Variants in CDH13 observed in about 807,000 individuals in gnomAD.
CDH13 encodes the protein cadherin-13.
In CDH13, 24 loss-of-function variants were observed where a neutral mutation model predicts 63.8. The ratio of observed to expected loss-of-function variants is 0.38; its 90% CI spans 0.27 to 0.53. CDH13 has a LOEUF of 0.53. Among genes scored for constraint, CDH13 ranks in the 20% least tolerant of loss-of-function variants. CDH13 has a pLI of 0.85. For synonymous variants in CDH13, 503 were observed against 355.3 expected (o/e 1.42, Z -4.67); for missense variants, 1,049 against 903.1 (o/e 1.16, Z -2.07).
At chr16:83,339,483 A>C (rs1379560322) in intron 5 of CDH13, among the ~76,000 whole-genome samples, 1 of 152,168 alleles carries the variant, frequency 6.6e-6, no homozygotes, top group Non-Finnish European at 1.5e-5. Context: ...GCTTTGTATC[A>C]GACACTTTCA....
intron 2 of CDH13, among the ~76,000 whole-genome samples, chr16:82,923,435 C>A (rs983290101): frequency 6.6e-5 from 10 of 152,198 alleles, no homozygotes; most frequent in African/African-American, 2.4e-4. Flanking sequence ...CAGACAAGAA[C>A]ATTTTAAGCT....
intron 2 of CDH13, among the ~76,000 whole-genome samples, chr16:82,968,311 T>A (rs988675699): frequency 6.6e-6 from 1 of 152,226 alleles, no homozygotes; most frequent in Non-Finnish European, 1.5e-5. Flanking sequence ...TCCACCTTCA[T>A]GTCCTGAATC....
At chr16:83,257,735 G>T (rs563696059) in intron 5 of CDH13, among the ~76,000 whole-genome samples, 58 of 152,302 alleles carry the variant, frequency 3.8e-4, no homozygotes, top group African/African-American at 1.4e-3. Context: ...ACATACATGT[G>T]CATGTGTCTT....
chr16:83,051,306 C>A (rs1339298216), intron 3 of CDH13, among the ~76,000 whole-genome samples: 1 of 152,152 alleles, frequency 6.6e-6, no homozygotes, highest in Non-Finnish European at 1.5e-5. Context: ...GGTATGTTTC[C>A]TTCCACATCT....
At chr16:83,743,576 G>A (rs1912257096) in intron 10 of CDH13, among the ~76,000 whole-genome samples, 1 of 152,096 alleles carries the variant, frequency 6.6e-6, no homozygotes, top group Admixed American at 6.5e-5. Context: ...AAACATGAAA[G>A]CCAAATTTAT....
At chr16:83,170,879 G>C (rs1017125571) in intron 4 of CDH13, among the ~76,000 whole-genome samples, 3 of 151,756 alleles carry the variant, frequency 2.0e-5, no homozygotes, top group Non-Finnish European at 4.4e-5. Context: ...AGAGAGAAGA[G>C]ATCCAGCATC....
At chr16:83,361,678 C>CAG (rs1231940011) in intron 6 of CDH13, among the ~76,000 whole-genome samples, 1 of 152,058 alleles carries the variant, frequency 6.6e-6, no homozygotes, top group African/African-American at 2.4e-5. Flanking sequence ...ATTTATTGAA[C>CAG]AGAGAGTCCT....
Position 83,301,064 on chromosome 16 carries a change from C to G in CDH13, c.637-43798C>G, listed in dbSNP as rs1053439652. Among the ~76,000 whole-genome samples the G allele has an allele frequency of 1.1e-4, 13 of 121,520 alleles. 1 individual carries two copies. The South Asian group carries it at 3.4e-3, about 31-fold the overall frequency. The allele number at this position is 121,520 out of a possible 152,430, so 79.7% of individuals were successfully genotyped here. A position where few individuals can be genotyped will look rare whatever the true frequency, so the allele number is the denominator to read the frequency against. On this transcript the variant is annotated intron_variant, in intron 5 of 13. Coordinates refer to ENST00000567109, the MANE Select transcript of CDH13 (RefSeq NM_001257.5). ...TTTTTTTTTTTGAGACAGAGCCTCA[C>G]TCTGTGGTCCAGACTGGAGTGCAGT...
At chr16:82,960,193 A>T (rs976829895) in intron 2 of CDH13, among the ~76,000 whole-genome samples, 2 of 152,174 alleles carry the variant, frequency 1.3e-5, no homozygotes, top group Non-Finnish European at 2.9e-5. Context: ...GAGTCAAAGC[A>T]TGGGTGGGTG....
intron 5 of CDH13, among the ~76,000 whole-genome samples, chr16:83,277,077 G>A (rs2089013870): frequency 6.6e-6 from 1 of 152,062 alleles, no homozygotes; most frequent in Non-Finnish European, 1.5e-5. Flanking sequence ...TGAAATTTGG[G>A]TGGCAACACA....
In CDH13 at chr16:83,056,267, A is replaced by T. The variant is rs552661318; in HGVS notation, c.366+24049A>T. 5.9e-5 allele frequency among the ~76,000 whole-genome samples: 9 copies of T among 152,314 alleles called. No homozygotes were observed. In the East Asian group the frequency reaches 1.7e-3, roughly 29 times the overall value. ...AGAATTCTCACACACTGTAAAGCTGAACATTCTTGACCTAGAAATCCTACT... is the reference window on the plus strand; with the variant it reads ...AGAATTCTCACACACTGTAAAGCTGTACATTCTTGACCTAGAAATCCTACT... On this transcript the variant is annotated intron_variant, in intron 3 of 13. Transcript: ENST00000567109.
chr16:82,629,102 C>T lies in CDH13; in HGVS notation c.45+1965C>T, dbSNP rs57340181. Among the ~76,000 whole-genome samples the T allele has an allele frequency of 1.9e-3, 288 of 152,320 alleles. 1 individual carries two copies. The highest frequency in any genetic ancestry group is 6.1e-3 in the African/African-American group (255 of 41,556). ...ATTCCAGGGCTTGCCCAAAGTTATG[C>T]CTCCTTTAAAGCAAGACAGACCACG... is the stretch of plus-strand genomic sequence containing the variant. On this transcript the variant is annotated intron_variant, in intron 1 of 13. Coordinates refer to ENST00000567109, the MANE Select transcript of CDH13 (RefSeq NM_001257.5).
chr16:82,981,064 A>G lies in CDH13; in HGVS notation c.158-50946A>G, dbSNP rs568565713. Among the ~76,000 whole-genome samples, 13 of 152,266 alleles carry G rather than the reference A, an allele frequency of 8.5e-5. No individual in the cohort carries two copies. The South Asian group carries it at 2.7e-3, about 32-fold the overall frequency. On this transcript the variant is annotated intron_variant, in intron 2 of 13. Coordinates refer to ENST00000567109, the MANE Select transcript of CDH13 (RefSeq NM_001257.5). ...CCCCAGCCTCCTGCGACTGGACTGCATACATACAAATACCCATTCTAGGTG... is the reference window on the plus strand; with the variant it reads ...CCCCAGCCTCCTGCGACTGGACTGCGTACATACAAATACCCATTCTAGGTG...
intron 1 of CDH13, among the ~76,000 whole-genome samples, chr16:82,806,970 A>G (rs1054182483): frequency 2.6e-5 from 4 of 152,172 alleles, no homozygotes; most frequent in African/African-American, 9.7e-5. Flanking sequence ...AATCCAAGAC[A>G]ACTATGGGTA....
intron 6 of CDH13, among the ~76,000 whole-genome samples, chr16:83,397,086 C>G (rs540151413): frequency 1.4e-3 from 207 of 152,238 alleles, no homozygotes; most frequent in African/African-American, 4.7e-3. Context: ...CTTTCCTGAT[C>G]TCACCGCCGC....
intron 7 of CDH13, among the ~76,000 whole-genome samples, chr16:83,504,678 C>T (rs966939319): frequency 6.6e-6 from 1 of 152,186 alleles, no homozygotes; most frequent in Non-Finnish European, 1.5e-5. Flanking sequence ...CAGCCTCATC[C>T]TCAACACTAG....
rs1011156429 is a variant in CDH13 at position 83,110,854 on chromosome 16, C to G, written c.367-14531C>G. ...AACCTTGGGACCCTGGAGCATACCC[C>G]CAAAACCCTGGGACCTTGGGTTAGA... On this transcript the variant is annotated intron_variant, in intron 3 of 13. Coordinates refer to ENST00000567109, the MANE Select transcript of CDH13 (RefSeq NM_001257.5). Among the ~76,000 whole-genome samples the G allele has an allele frequency of 3.3e-5, 5 of 152,086 alleles. No individual in the cohort carries two copies. The East Asian group carries it at 9.7e-4, about 29-fold the overall frequency.
intron 11 of CDH13, among the ~76,000 whole-genome samples, chr16:83,757,096 A>G (rs1202519670): frequency 6.6e-6 from 1 of 152,242 alleles, no homozygotes; most frequent in Non-Finnish European, 1.5e-5. Context: ...CAATGGAATT[A>G]AACTAAGCAT....
chr16:83,549,933 G>T (rs2075459989), intron 7 of CDH13, among the ~76,000 whole-genome samples: 2 of 152,178 alleles, frequency 1.3e-5, no homozygotes, highest in African/African-American at 4.8e-5. Context: ...ATGCATGCCA[G>T]TCTTTCCCAC....
Sources: allele counts gnomAD v4.1 joint callset (sites outside exome capture counted in the v4.1 genomes callset), GRCh38; gene constraint gnomAD v4.1.1; transcripts MANE v1.5; gene names NCBI Gene and HGNC (gene_info 2026-07-23, HGNC 2026-07-21).